The following ETV7 variants were observed in gnomAD, a reference collection of about 807,000 sequenced individuals.
ETV7 encodes the protein transcription factor ETV7.
In ETV7, 43 loss-of-function variants were observed where a neutral mutation model predicts 39.1. That is an observed-to-expected ratio of 1.10 (90% CI 0.86 to 1.42). ETV7 has a LOEUF of 1.42. Ranked by LOEUF, ETV7 falls within the 40% of genes most tolerant of loss-of-function variation. ETV7 has a pLI of 0.00. For synonymous variants in ETV7, 196 were observed against 176.6 expected (o/e 1.11, Z -0.87); for missense variants, 432 against 442.3 (o/e 0.98, Z 0.21).
Position 36,371,488 on chromosome 6 carries a change from C to A in ETV7, c.506G>T (p.Ser169Ile). The A allele has an allele frequency of 1.2e-6, 2 of 1,604,714 alleles. No homozygotes were observed. The highest frequency in any genetic ancestry group is 1.7e-6 in the Non-Finnish European group (2 of 1,175,668). Reference protein sequence around the residue: ...LLQPPDPGLTSNFGHLDDPGL... With the variant: ...LLQPPDPGLTINFGHLDDPGL... ...AGGGTCATCCAGGTGGCCGAAGTTG[C>A]TGGTAAGCCCTGGGTCTGGTGGCTG... is the stretch of plus-strand genomic sequence containing the variant. Residue 169 changes from serine (S) to isoleucine (I), a missense_variant, in exon 5 of 8, where the codon AGC becomes ATC. Ser to Ile is a moderately radical substitution (Grantham distance 142). Transcript: ENST00000340181.
chr6:36,362,479 T>C (rs1308465211), downstream of ETV7, among the ~76,000 whole-genome samples: 1 of 150,246 alleles, frequency 6.7e-6, no homozygotes, highest in African/African-American at 2.5e-5. Flanking sequence ...TTGTGAGAAG[T>C]TCACTTTGAC....
downstream of ETV7, among the ~76,000 whole-genome samples, chr6:36,362,404 A>G (rs1772523058): frequency 6.6e-6 from 1 of 152,160 alleles, no homozygotes; most frequent in Non-Finnish European, 1.5e-5. Context: ...CAGAGGTTGC[A>G]GTGAGCTGAG....
At position 36,369,068 on chromosome 6, in the gene ETV7, C is replaced by A. The variant is rs1363760805; in HGVS notation, c.668G>T (p.Cys223Phe). 1 of 1,614,070 alleles carries A rather than the reference C, an allele frequency of 6.2e-7. No homozygotes were observed. Reference sequence around the variant, plus strand: ...ATACACGTAATCCCACAGCAGGCGGCAGTCTGCAATTTAGCACAGGGAGTG... The same window carrying A: ...ATACACGTAATCCCACAGCAGGCGGAAGTCTGCAATTTAGCACAGGGAGTG... ...QAPIDGRIAD[C>F]RLLWDYVYQL... Residue 223 changes from cysteine (C) to phenylalanine (F), a missense_variant, in exon 6 of 8, where the codon TGC becomes TTC. Cys to Phe is a radical substitution (Grantham distance 205). Coordinates refer to ENST00000340181, the MANE Select transcript of ETV7 (RefSeq NM_016135.4).
downstream of ETV7, among the ~76,000 whole-genome samples, chr6:36,362,401 T>C (rs545080775): frequency 6.6e-6 from 1 of 152,218 alleles, no homozygotes; most frequent in African/African-American, 2.4e-5. Flanking sequence ...AAGCAGAGGT[T>C]GCAGTGAGCT....
intron 2 of ETV7, among the ~76,000 whole-genome samples, chr6:36,385,123 A>G (rs890264036): frequency 6.6e-5 from 10 of 152,118 alleles, no homozygotes; most frequent in Admixed American, 2.0e-4. Flanking sequence ...ACTTGAGCCC[A>G]GGAGTTTGAG....
chr6:36,356,630 C>T (rs1017948990), intron 7 of ETV7, among the ~76,000 whole-genome samples: 1 of 152,194 alleles, frequency 6.6e-6, no homozygotes, highest in Non-Finnish European at 1.5e-5. Flanking sequence ...GGATCATGCA[C>T]CATCTGGACC....
rs1773856099 is a variant in ETV7 at position 36,385,572 on chromosome 6, A to C, written c.104T>G (p.Leu35Arg). The C allele has an allele frequency of 6.2e-7, 1 of 1,614,104 alleles. No individual in the cohort carries two copies. Among genetic ancestry groups the C allele is most frequent in the Admixed American group, 1.7e-5 (1 of 60,010 alleles). ...QARCEAQINL[L>R]GEGGICKLPG... ...CAGCTTGCAGATCCCCCCTTCACCC[A>C]GCAGGTTAATTTGAGCTTCACATCT... is the stretch of plus-strand genomic sequence containing the variant. The change falls in exon 2 of 8, where the codon CTG (leucine) becomes CGG (arginine). Residue 35 changes from leucine (L) to arginine (R), a missense_variant. By Grantham distance (102) the Leu-to-Arg change is moderately radical (BLOSUM62 -2). Transcript: ENST00000340181.
intron 2 of ETV7, among the ~76,000 whole-genome samples, chr6:36,377,052 C>T (rs142716089): frequency 8.4e-4 from 128 of 152,332 alleles, no homozygotes; most frequent in African/African-American, 2.9e-3. Context: ...ATTCTCCCCA[C>T]GTTTCCACTT....
chr6:36,378,855 G>A (rs1420382186), intron 2 of ETV7, among the ~76,000 whole-genome samples: 1 of 152,216 alleles, frequency 6.6e-6, no homozygotes, highest in East Asian at 1.9e-4. Context: ...CAAAATTGCT[G>A]CCAGGTGAGA....
chr6:36,368,384 T>C (rs1036298910), intron 6 of ETV7, among the ~76,000 whole-genome samples: 1 of 152,238 alleles, frequency 6.6e-6, no homozygotes, highest in African/African-American at 2.4e-5. Flanking sequence ...GCTACATTCC[T>C]TATATCACTG....
At chr6:36,354,592 G>C (rs1772290402) in exon 8 of ETV7, 1 of 686,608 alleles carries the variant, frequency 1.5e-6, no homozygotes, top group Non-Finnish European at 2.6e-6. Flanking sequence ...CAGGAAGTGT[G>C]GGTCCTCCAA....
rs9470262 is a variant in ETV7, at chr6:36,373,474, G to A, written c.412C>T (p.His138Tyr). The change falls in exon 4 of 8, where the codon CAC (histidine) becomes TAC (tyrosine). Residue 138 changes from histidine to tyrosine, a missense_variant. Physicochemically the swap from His to Tyr is moderately conservative, Grantham distance 83 (BLOSUM62 2). Transcript: ENST00000340181. Reference protein sequence around the residue: ...GIFRLKTPTQHSPVPPEEVTG... With the variant: ...GIFRLKTPTQYSPVPPEEVTG... ...TCACCTTCCGGGGGGACTGGAGAGTGCTGGGTGGGCGTCTTCAGCCTGAAG... is the reference window on the plus strand; with the variant it reads ...TCACCTTCCGGGGGGACTGGAGAGTACTGGGTGGGCGTCTTCAGCCTGAAG... 2,966 of 1,582,098 alleles carry A rather than the reference G, an allele frequency of 1.9e-3. 57 individuals are homozygous for A. The African/African-American group carries it at 0.036, about 19-fold the overall frequency.
chr6:36,382,945 G>A (rs531689653), intron 2 of ETV7, among the ~76,000 whole-genome samples: 1 of 152,188 alleles, frequency 6.6e-6, no homozygotes, highest in South Asian at 2.1e-4. Flanking sequence ...CTGGCCATTA[G>A]CATCACAGTT....
intron 7 of ETV7, among the ~76,000 whole-genome samples, chr6:36,358,358 GTC>G (rs1188414577): frequency 6.6e-6 from 1 of 152,226 alleles, no homozygotes; most frequent in African/African-American, 2.4e-5. Context: ...TCTAGTTCAG[GTC>G]TCCTGCTTTG....
downstream of ETV7, among the ~76,000 whole-genome samples, chr6:36,363,546 G>A (rs1418209843): frequency 2.0e-5 from 3 of 152,254 alleles, no homozygotes; most frequent in African/African-American, 7.2e-5. Context: ...AAGCGTTACA[G>A]CTAATAAAAG....
intron 7 of ETV7, among the ~76,000 whole-genome samples, chr6:36,360,008 T>C (rs1772444540): frequency 6.6e-6 from 1 of 152,120 alleles, no homozygotes; most frequent in African/African-American, 2.4e-5. Flanking sequence ...TTCTCCTGCC[T>C]CAGCCTCCCA....
chr6:36,374,687 C>T (rs1414666364), intron 3 of ETV7, among the ~76,000 whole-genome samples: 3 of 152,202 alleles, frequency 2.0e-5, no homozygotes, highest in African/African-American at 7.2e-5. Flanking sequence ...CCCCTCACCT[C>T]CCACTAGAGC....
At chr6:36,387,464 A>T in intron 1 of ETV7, 72 bp downstream of exon 1, 1 of 1,602,442 alleles carries the variant, frequency 6.2e-7, no homozygotes. Flanking sequence ...TTGGAAATCT[A>T]GGTGGTGAGG....
intron 5 of ETV7, among the ~76,000 whole-genome samples, chr6:36,369,501 A>T (rs947345919): frequency 6.6e-6 from 1 of 152,074 alleles, no homozygotes; most frequent in African/African-American, 2.4e-5. Flanking sequence ...GACTTCTATT[A>T]ATTATAACAT....
Sources: allele counts gnomAD v4.1 joint callset (sites outside exome capture counted in the v4.1 genomes callset), GRCh38; gene constraint gnomAD v4.1.1; transcripts MANE v1.5; gene names NCBI Gene and HGNC (gene_info 2026-07-23, HGNC 2026-07-21).